STEAP3: variants seen among roughly 807,000 people sequenced by gnomAD.
STEAP3 encodes the protein metalloreductase STEAP3.
In STEAP3, 35 loss-of-function variants were observed where a neutral mutation model predicts 34.9. The observed-to-expected ratio is 1.00, with a 90% CI of 0.76 to 1.33. The LOEUF is 1.33. STEAP3 is among the 40% of genes most tolerant of loss of function. STEAP3 has a pLI of 0.00. For synonymous variants in STEAP3, 281 were observed against 301.6 expected, an observed-to-expected ratio of 0.93 and a Z score of 0.71; for missense variants, 652 against 667.6, an observed-to-expected ratio of 0.98 and a Z score of 0.26.
At chr2:119,241,616 T>TA (rs968470511) in intron 2 of STEAP3, among the ~76,000 whole-genome samples, 3 of 152,160 alleles carry the variant, frequency 2.0e-5, no homozygotes, top group African/African-American at 4.8e-5. Flanking sequence ...CAGCTCCTGT[T>TA]AGAGAAGCCA....
intron 5 of STEAP3, chr2:119,257,556 A>G (rs1297563527): frequency 5.2e-6 from 8 of 1,544,234 alleles, no homozygotes; most frequent in Non-Finnish European, 6.1e-6. Context: ...TCATCAGACA[A>G]GTTTCCTAGG....
At chr2:119,247,180 G>T (rs1256159771) in intron 3 of STEAP3, among the ~76,000 whole-genome samples, 2 of 152,156 alleles carry the variant, frequency 1.3e-5, no homozygotes, top group African/African-American at 4.8e-5. Context: ...CTTGTAGAAG[G>T]CCTTATGTGC....
chr2:119,252,738 T>C lies in STEAP3; in HGVS notation c.1051-1946T>C, dbSNP rs546199216. On this transcript the variant is annotated intron_variant, in intron 4 of 5. Transcript: ENST00000393110. ...TTTAATAGGCTGGCTGAGAATCTCA[T>C]GGACTCCTAAGGCTGGCTTAGGTTC... Among the ~76,000 whole-genome samples, 19 of 152,310 alleles carry C rather than the reference T, an allele frequency of 1.2e-4. No individual in the cohort carries two copies. In the South Asian group the frequency reaches 3.5e-3, roughly 28 times the overall value.
At chr2:119,234,808 G>A (rs1193638157) in intron 2 of STEAP3, among the ~76,000 whole-genome samples, 6 of 152,200 alleles carry the variant, frequency 3.9e-5, no homozygotes, top group Non-Finnish European at 7.3e-5. Flanking sequence ...CCTAGGGCTT[G>A]AGCATGCCCC....
At chr2:119,228,812 G>T (rs1378189043) in intron 1 of STEAP3, among the ~76,000 whole-genome samples, 1 of 152,088 alleles carries the variant, frequency 6.6e-6, no homozygotes, top group Non-Finnish European at 1.5e-5. Flanking sequence ...AGGAGGAGAA[G>T]TCTCAAGGCT....
intron 2 of STEAP3, among the ~76,000 whole-genome samples, chr2:119,235,584 C>T (rs1273186334): frequency 6.6e-6 from 1 of 152,252 alleles, no homozygotes; most frequent in African/African-American, 2.4e-5. Context: ...ATGTTTTCAT[C>T]AGTCCTCCAG....
At chr2:119,258,947 T>TTTTGG (rs1677863682) in intron 5 of STEAP3, among the ~76,000 whole-genome samples, 1 of 151,266 alleles carries the variant, frequency 6.6e-6, no homozygotes, top group Admixed American at 6.6e-5. Context: ...TTTGTTATTG[T>TTTTGG]TTTGGTTTGG....
At chr2:119,255,694 G>T (rs1677755057) in intron 5 of STEAP3, among the ~76,000 whole-genome samples, 1 of 151,222 alleles carries the variant, frequency 6.6e-6, no homozygotes, top group Non-Finnish European at 1.5e-5. Flanking sequence ...ATTCTTCCAG[G>T]AGTTAGAAGT....
intron 2 of STEAP3, among the ~76,000 whole-genome samples, chr2:119,236,219 T>C (rs1454888041): frequency 6.6e-6 from 1 of 152,220 alleles, no homozygotes; most frequent in East Asian, 1.9e-4. Flanking sequence ...TAGAGAGGAA[T>C]AGAATTAAAA....
At position 119,254,757 on chromosome 2, in the gene STEAP3, T is replaced by G; in HGVS notation, c.1124T>G (p.Val375Gly). ...WRMEIYLSLG[V>G]LALGTLSLLA... ...ATGGAGATCTACCTCTCCCTGGGAG[T>G]GCTGGCCCTCGGCACGTTGTCCCTG... The change falls in exon 5 of 6, where the codon GTG becomes GGG. Residue 375 changes from valine (V) to glycine (G), a missense_variant. Physicochemically the swap from Val to Gly is moderately radical, Grantham distance 109. Transcript: ENST00000393110. 6.2e-7 allele frequency: 1 copy of G among 1,614,064 alleles called. No homozygotes were observed. Among genetic ancestry groups the G allele is most frequent in the Non-Finnish European group, 8.5e-7 (1 of 1,180,002 alleles).
chr2:119,243,762 C>T (rs1677321219), intron 2 of STEAP3, among the ~76,000 whole-genome samples: 1 of 152,240 alleles, frequency 6.6e-6, no homozygotes, highest in South Asian at 2.1e-4. Context: ...CAGGGAGGCA[C>T]ACAGACTTGT....
intron 1 of STEAP3, 80 bp from the exon 2 acceptor site, chr2:119,230,540 T>G: frequency 6.1e-6 from 1 of 165,026 alleles, no homozygotes; most frequent in Non-Finnish European, 1.3e-5. Context: ...TCTGCAGCCA[T>G]TATGTTTGCC....
At chr2:119,243,062 G>A (rs1056246694) in intron 2 of STEAP3, among the ~76,000 whole-genome samples, 1 of 152,244 alleles carries the variant, frequency 6.6e-6, no homozygotes, top group East Asian at 1.9e-4. Flanking sequence ...GTGCCTGCAT[G>A]TCTGTGCAGG....
intron 4 of STEAP3, among the ~76,000 whole-genome samples, chr2:119,250,561 G>A (rs1360320897): frequency 6.6e-6 from 1 of 152,158 alleles, no homozygotes; most frequent in Non-Finnish European, 1.5e-5. Context: ...CCCAGGACGG[G>A]GCAGATCTGC....
chr2:119,239,633 C>G (rs1247035472), intron 2 of STEAP3, among the ~76,000 whole-genome samples: 1 of 152,190 alleles, frequency 6.6e-6, no homozygotes, highest in Non-Finnish European at 1.5e-5. Context: ...GCCCCTCTTT[C>G]TGAAGCGCTT....
In STEAP3 at chr2:119,263,388, G is replaced by C; in HGVS notation, c.*50G>C. On this transcript the variant is annotated 3_prime_UTR_variant, in exon 6 of 6. Transcript: ENST00000393110. ...CCGGGCACACGAGGGACGGTGCCCT[G>C]AGCCCGTTAGGTTTTCTTTTCTTGG... 1 of 1,577,628 alleles carries C rather than the reference G, an allele frequency of 6.3e-7. No homozygotes were observed. The highest frequency in any genetic ancestry group is 8.6e-7 in the Non-Finnish European group (1 of 1,162,568).
intron 2 of STEAP3, among the ~76,000 whole-genome samples, chr2:119,235,863 A>G (rs1677079866): frequency 6.6e-6 from 1 of 152,188 alleles, no homozygotes; most frequent in African/African-American, 2.4e-5. Context: ...TGTTGGGACC[A>G]GCATCCCCTA....
intron 4 of STEAP3, among the ~76,000 whole-genome samples, chr2:119,251,587 A>T (rs1227902819): frequency 6.6e-6 from 1 of 152,164 alleles, no homozygotes; most frequent in Non-Finnish European, 1.5e-5. Context: ...ACATCTGCAC[A>T]TGGCTGGCAC....
intron 1 of STEAP3, among the ~76,000 whole-genome samples, chr2:119,228,912 C>T (rs919729026): frequency 3.9e-5 from 6 of 152,280 alleles, no homozygotes; most frequent in Admixed American, 1.3e-4. Context: ...AACGCGTACT[C>T]TCCAGCTCCT....
Sources: allele counts gnomAD v4.1 joint callset (sites outside exome capture counted in the v4.1 genomes callset), GRCh38; gene constraint gnomAD v4.1.1; transcripts MANE v1.5; gene names NCBI Gene and HGNC (gene_info 2026-07-23, HGNC 2026-07-21).